Variants in GULP1 observed in about 807,000 individuals in gnomAD.
The protein encoded by GULP1 is PTB domain-containing engulfment adapter protein 1.
Under a neutral mutation model 40.9 loss-of-function variants are expected in GULP1, and 19 were observed. The ratio of observed to expected loss-of-function variants is 0.46; its 90% confidence interval spans 0.32 to 0.68. The LOEUF (loss-of-function observed/expected upper bound fraction) is 0.68, where lower values mean the gene tolerates loss of function less well. GULP1 is among the 30% of genes least tolerant of loss of function. The pLI is 0.03. For missense variants in GULP1, 312 were observed against 362.2 expected (o/e 0.86, Z 1.12); for synonymous variants, 119 against 117.6 (o/e 1.01, Z -0.08).
At chr2:188,536,531 T>C (rs1291976421) in intron 6 of GULP1, among the ~76,000 whole-genome samples, 2 of 151,780 alleles carry the variant, frequency 1.3e-5, no homozygotes, top group Non-Finnish European at 2.9e-5. Context: ...TCTCTATTCT[T>C]TGCCATTGGT....
intron 1 of GULP1, among the ~76,000 whole-genome samples, chr2:188,367,376 C>CT (rs1312725765): frequency 6.6e-6 from 1 of 152,100 alleles, no homozygotes; most frequent in African/African-American, 2.4e-5. Context: ...GCTTGATGTC[C>CT]AAGGTTTCCC....
intron 7 of GULP1, among the ~76,000 whole-genome samples, chr2:188,559,884 A>G (rs1363507627): frequency 2.0e-5 from 3 of 152,154 alleles, no homozygotes; most frequent in Admixed American, 2.0e-4. Context: ...AATAAGTCTC[A>G]TGAGATCTGA....
At chr2:188,477,018 A>G (rs2061068750) in intron 2 of GULP1, among the ~76,000 whole-genome samples, 1 of 152,116 alleles carries the variant, frequency 6.6e-6, no homozygotes. Context: ...TAGTGAATAC[A>G]CTACAGAACA....
In GULP1 at chr2:188,472,667, A is replaced by G. The variant is rs142990257; in HGVS notation, c.-44-4992A>G. ...TTATTTCAATCTCTTTCTTTAATTT[A>G]TCTAATAGAATTCTGAATGCCTTCT... is the stretch of plus-strand genomic sequence containing the variant. On this transcript the variant is annotated intron_variant, in intron 2 of 11. Transcript: ENST00000409830. Among the ~76,000 whole-genome samples, 480 of 152,208 alleles carry G rather than the reference A, an allele frequency of 3.2e-3. 1 individual carries two copies. Among genetic ancestry groups the G allele is most frequent in the Non-Finnish European group, 4.0e-3 (274 of 67,984 alleles).
At chr2:188,476,883 G>C (rs1221833240) in intron 2 of GULP1, among the ~76,000 whole-genome samples, 1 of 152,006 alleles carries the variant, frequency 6.6e-6, no homozygotes, top group Non-Finnish European at 1.5e-5. Flanking sequence ...AATTACTCCA[G>C]AAATCTTTTT....
intron 2 of GULP1, among the ~76,000 whole-genome samples, chr2:188,415,320 CT>C (rs1200624649): frequency 6.6e-6 from 1 of 152,108 alleles, no homozygotes; most frequent in Non-Finnish European, 1.5e-5. Context: ...AGAATGATAT[CT>C]GATGAAATCT....
At chr2:188,542,715 T>C (rs1575930257) in intron 7 of GULP1, among the ~76,000 whole-genome samples, 1 of 152,208 alleles carries the variant, frequency 6.6e-6, no homozygotes, top group Non-Finnish European at 1.5e-5. Context: ...TTTTATTTTA[T>C]ATGAACTTCT....
intron 2 of GULP1, among the ~76,000 whole-genome samples, chr2:188,465,289 T>C (rs1185672794): frequency 6.6e-6 from 1 of 152,018 alleles, no homozygotes; most frequent in African/African-American, 2.4e-5. Context: ...GTACATGGTG[T>C]TTCTAGAAAT....
chr2:188,318,966 G>C (rs1270908030), intron 1 of GULP1, among the ~76,000 whole-genome samples: 3 of 152,098 alleles, frequency 2.0e-5, no homozygotes, highest in Non-Finnish European at 4.4e-5. Flanking sequence ...GCCCCAGTTT[G>C]GGGGCTTGCC....
At chr2:188,510,587 A>G (rs1315658412) in intron 4 of GULP1, among the ~76,000 whole-genome samples, 1 of 152,084 alleles carries the variant, frequency 6.6e-6, no homozygotes, top group Non-Finnish European at 1.5e-5. Context: ...AACTAAGAAT[A>G]TATTTAGCAT....
rs1466484722 is a variant in GULP1 at position 188,513,966 on chromosome 2, G to T, written c.91-8790G>T. Among the ~76,000 whole-genome samples the T allele has an allele frequency of 5.3e-5, 8 of 151,798 alleles. No individual in the cohort carries two copies. In the East Asian group the frequency reaches 1.4e-3, roughly 26 times the overall value. On this transcript the variant is annotated intron_variant, in intron 4 of 11. Coordinates refer to ENST00000409830, the MANE Select transcript of GULP1 (RefSeq NM_016315.4). ...CCCCATATCTGCGTGGGTTTTCTCT[G>T]AGTACTCCTGTTTCCTCCCATATTC...
At chr2:188,390,640 T>G (rs939607026) in intron 2 of GULP1, among the ~76,000 whole-genome samples, 1 of 152,166 alleles carries the variant, frequency 6.6e-6, no homozygotes, top group Non-Finnish European at 1.5e-5. Context: ...TTATTTATAT[T>G]TGTTTTTGTT....
At chr2:188,378,422 A>C (rs914492757) in intron 1 of GULP1, among the ~76,000 whole-genome samples, 1 of 152,322 alleles carries the variant, frequency 6.6e-6, no homozygotes, top group African/African-American at 2.4e-5. Context: ...AGGTGACAAA[A>C]GGTAGGAAAT....
At chr2:188,537,660 C>G (rs1246025203) in intron 6 of GULP1, among the ~76,000 whole-genome samples, 4 of 151,858 alleles carry the variant, frequency 2.6e-5, no homozygotes, top group Non-Finnish European at 5.9e-5. Context: ...TTCACTGTAT[C>G]TTTGCAATGT....
intron 2 of GULP1, among the ~76,000 whole-genome samples, chr2:188,406,618 GA>G (rs922189837): frequency 9.2e-5 from 14 of 151,476 alleles, no homozygotes; most frequent in Non-Finnish European, 1.5e-4. Flanking sequence ...TGTTCAAACA[GA>G]AAAAAAATCT....
At chr2:188,562,009 G>A (rs541381314) in intron 7 of GULP1, among the ~76,000 whole-genome samples, 16 of 152,234 alleles carry the variant, frequency 1.1e-4, no homozygotes, top group South Asian at 1.0e-3. Flanking sequence ...AGCCCCACCC[G>A]TGGGAGCTTA....
At chr2:188,498,271 A>C (rs2063095337) in intron 4 of GULP1, among the ~76,000 whole-genome samples, 1 of 151,954 alleles carries the variant, frequency 6.6e-6, no homozygotes, top group East Asian at 1.9e-4. Flanking sequence ...TTAACACAAC[A>C]CTACTTCAGT....
intron 1 of GULP1, among the ~76,000 whole-genome samples, chr2:188,354,944 C>T (rs998448574): frequency 6.6e-6 from 1 of 151,842 alleles, no homozygotes; most frequent in Non-Finnish European, 1.5e-5. Flanking sequence ...TACTGAATGA[C>T]CAATAGATTA....
intron 1 of GULP1, among the ~76,000 whole-genome samples, chr2:188,307,680 A>C (rs1042096691): frequency 6.6e-6 from 1 of 152,166 alleles, no homozygotes. Flanking sequence ...TTTGATTTGC[A>C]TTCTTCTTTA....
Sources: allele counts gnomAD v4.1 joint callset (sites outside exome capture counted in the v4.1 genomes callset), GRCh38; gene constraint gnomAD v4.1.1; transcripts MANE v1.5; gene names NCBI Gene and HGNC (gene_info 2026-07-23, HGNC 2026-07-21).